Variants in TMEM218 observed in about 807,000 individuals in gnomAD.
TMEM218 encodes transmembrane protein 218.
A neutral mutation model predicts 10.0 loss-of-function variants in TMEM218; 8 were observed. The ratio of observed to expected loss-of-function variants is 0.80; its 90% CI spans 0.47 to 1.44. The LOEUF (loss-of-function observed/expected upper bound fraction) is 1.44, where lower values mean the gene tolerates loss of function less well. TMEM218 is among the 40% of genes most tolerant of loss of function. The probability of loss-of-function intolerance (pLI) is 0.00; values close to 1 mark genes in which losing one functional copy is unlikely to be tolerated. For synonymous variants in TMEM218, 66 were observed against 63.5 expected (o/e 1.04, Z -0.18); for missense variants, 110 against 140.1 (o/e 0.79, Z 1.08).
chr11:125,104,562 T>G (rs1054242128), intron 1 of TMEM218: 1 of 152,254 alleles, frequency 6.6e-6, no homozygotes, highest in Non-Finnish European at 1.5e-5. Flanking sequence ...TACAAGTTTA[T>G]TTTCTGTCTG....
chr11:125,101,538 G>A (rs1470781404), intron 3 of TMEM218: 11 of 1,480,010 alleles, frequency 7.4e-6, no homozygotes, highest in Admixed American at 4.9e-5. Flanking sequence ...ATGGAAATGT[G>A]TAGTTTTTAT....
At chr11:125,106,832 G>A (rs1299922774) in intron 1 of TMEM218, among the ~76,000 whole-genome samples, 1 of 152,124 alleles carries the variant, frequency 6.6e-6, no homozygotes, top group Non-Finnish European at 1.5e-5. Context: ...CTATTCTTAG[G>A]TGTATTCCCA....
At chr11:125,109,079 G>GA (rs528813678) in intron 1 of TMEM218, among the ~76,000 whole-genome samples, 6 of 151,884 alleles carry the variant, frequency 4.0e-5, no homozygotes, top group African/African-American at 7.3e-5. Context: ...AAAACATCAG[G>GA]AAAAAACCTA....
chr11:125,097,534 A>C lies in TMEM218; in HGVS notation c.*72T>G. 1.3e-6 allele frequency: 2 copies of C among 1,550,432 alleles called. No homozygotes were observed. The highest frequency in any genetic ancestry group is 2.4e-5 in the South Asian group (2 of 84,976). On this transcript the variant is annotated 3_prime_UTR_variant, in exon 5 of 5. Transcript: ENST00000682305. ...TGAGGGCTGTCAAAACAAGGCTCTG[A>C]ATAGTGCCTTCCTGCTCATCAATGT...
chr11:125,100,980 T>G (rs541980375), intron 4 of TMEM218, among the ~76,000 whole-genome samples: 2 of 152,298 alleles, frequency 1.3e-5, no homozygotes, highest in Admixed American at 1.3e-4. Context: ...AATAACTGCC[T>G]GGTGGGGTTG....
rs1953856481 is a variant in TMEM218, at chr11:125,111,085, T to C, written c.-153+454A>G. On this transcript the variant is annotated intron_variant, in intron 1 of 4. Coordinates refer to ENST00000682305, the MANE Select transcript of TMEM218 (RefSeq NM_001258244.2). ...AGGTCTCTTCCTTGCATCCCTCTCC[T>C]GGACGGTGTTGTGGGTTGGAAGCGC... Among the ~76,000 whole-genome samples, 5 of 152,176 alleles carry C rather than the reference T, an allele frequency of 3.3e-5. No individual in the cohort carries two copies. The South Asian group carries it at 1.0e-3, about 32-fold the overall frequency.
Position 125,102,163 on chromosome 11 carries a change from C to A in TMEM218, c.79G>T (p.Val27Leu). 6.2e-7 allele frequency: 1 copy of A among 1,605,718 alleles called. No individual in the cohort carries two copies. The highest frequency in any genetic ancestry group is 1.1e-5 in the South Asian group (1 of 90,190). The change falls in exon 3 of 5, where the codon GTG (valine) becomes TTG (leucine). Residue 27 changes from valine (V) to leucine (L), a missense_variant. By Grantham distance (32) the Val-to-Leu change is conservative (BLOSUM62 1). Transcript: ENST00000682305. ...GCCCCGGAGGCTCTGGACAGCAGCA[C>A]ACACAGCAGCAGCACTGCCACCCAG... ...LLWVAVLLLC[V>L]LLSRASGAAR...
In TMEM218 at chr11:125,102,275, C is replaced by G; in HGVS notation, c.-34G>C. The G allele has an allele frequency of 1.9e-6, 3 of 1,601,916 alleles. No individual in the cohort carries two copies. Among genetic ancestry groups the G allele is most frequent in the Non-Finnish European group, 2.6e-6 (3 of 1,175,522 alleles). Reference sequence around the variant, plus strand: ...GAGGCAGCGGCGGCCCCCCGCCCTGCGCGCCGCACGATCGAGTGTCCTCTG... The same window carrying G: ...GAGGCAGCGGCGGCCCCCCGCCCTGGGCGCCGCACGATCGAGTGTCCTCTG... On this transcript the variant is annotated 5_prime_UTR_variant, in exon 3 of 5. Transcript: ENST00000682305.
rs1454245637 is a variant in TMEM218 at position 125,101,429 on chromosome 11, C to T, written c.111-126G>A. 6 of 1,528,404 alleles carry T rather than the reference C, an allele frequency of 3.9e-6. No individual in the cohort carries two copies. The East Asian group carries it at 1.5e-4, about 37-fold the overall frequency. 94.7% of individuals were successfully genotyped at this position (1,528,404 alleles called of 1,614,324 possible). Reference sequence around the variant, plus strand: ...TCAGTCCCTTAACAATGTCCAGAGGCCTGCTGTCAACAACCTCTTCATCCC... The same window carrying T: ...TCAGTCCCTTAACAATGTCCAGAGGTCTGCTGTCAACAACCTCTTCATCCC... On this transcript the variant is annotated intron_variant, in intron 3 of 4. Coordinates refer to ENST00000682305, the MANE Select transcript of TMEM218 (RefSeq NM_001258244.2).
intron 1 of TMEM218, among the ~76,000 whole-genome samples, chr11:125,109,819 C>T (rs1173742244): frequency 6.6e-6 from 1 of 152,212 alleles, no homozygotes; most frequent in African/African-American, 2.4e-5. Flanking sequence ...ACACAAATAA[C>T]CCAGAAGACT....
chr11:125,097,416 C>A lies in TMEM218; in HGVS notation c.*190G>T. 1 of 537,348 alleles carries A rather than the reference C, an allele frequency of 1.9e-6. No homozygotes were observed. Among genetic ancestry groups the A allele is most frequent in the East Asian group, 3.0e-5 (1 of 32,940 alleles). The allele number at this position is 537,348 out of a possible 1,614,324, so 33.3% of individuals were successfully genotyped here. ...CTTCTTAAGCTGGTAAGAATCTAGC[C>A]CCACAGGGACAATTTGGCAATCCTG... On this transcript the variant is annotated 3_prime_UTR_variant, in exon 5 of 5. Transcript: ENST00000682305.
rs551884605 is a variant in TMEM218, at chr11:125,095,376, G to A, written c.*2230C>T. Among the ~76,000 whole-genome samples, 1 of 152,302 alleles carries A rather than the reference G, an allele frequency of 6.6e-6. No homozygotes were observed. The highest frequency in any genetic ancestry group is 2.4e-5 in the African/African-American group (1 of 41,568). On this transcript the variant is annotated 3_prime_UTR_variant, in exon 5 of 5. Transcript: ENST00000682305. Reference sequence around the variant, plus strand: ...GACCTCTGAGCCCTGTCTCCAAGAAGGCCATGAGCATACAGGGTACCATAA... The same window carrying A: ...GACCTCTGAGCCCTGTCTCCAAGAAAGCCATGAGCATACAGGGTACCATAA...
chr11:125,099,551 TTGCTC>T (rs1286573929), intron 4 of TMEM218, among the ~76,000 whole-genome samples: 1 of 152,206 alleles, frequency 6.6e-6, no homozygotes, highest in Non-Finnish European at 1.5e-5. Flanking sequence ...AAAAATGTGT[TTGCTC>T]TGTGCCCTTC....
In TMEM218 at chr11:125,094,556, G is replaced by A. The variant is rs1366681219; in HGVS notation, c.*3050C>T. 1.3e-5 allele frequency among the ~76,000 whole-genome samples: 2 copies of A among 152,180 alleles called. No homozygotes were observed. Among genetic ancestry groups the A allele is most frequent in the Admixed American group, 1.3e-4 (2 of 15,276 alleles). On this transcript the variant is annotated 3_prime_UTR_variant, in exon 5 of 5. Transcript: ENST00000682305. ...TGAGAAATGAGATGTCAGGAATCCTGATGTCAAGTTGGAGCCCCACTTCTA... is the reference window on the plus strand; with the variant it reads ...TGAGAAATGAGATGTCAGGAATCCTAATGTCAAGTTGGAGCCCCACTTCTA...
rs1952882551 is a variant in TMEM218, at chr11:125,108,699, C to A, written c.-153+2840G>T. ...TTTCCTCTGATTTACATTAGAGTTG[C>A]ATTCCTGGAAATTTTACTATATTAA... On this transcript the variant is annotated intron_variant, in intron 1 of 4. Coordinates refer to ENST00000682305, the MANE Select transcript of TMEM218 (RefSeq NM_001258244.2). The surrounding 1 kb of genome is among the most constrained non-coding windows in gnomAD (Gnocchi z 5.3). Among the ~76,000 whole-genome samples the A allele has an allele frequency of 6.6e-6, 1 of 152,166 alleles. No individual in the cohort carries two copies. The highest frequency in any genetic ancestry group is 1.5e-5 in the Non-Finnish European group (1 of 68,004).
chr11:125,099,663 T>C (rs1012116525), intron 4 of TMEM218, among the ~76,000 whole-genome samples: 1 of 151,976 alleles, frequency 6.6e-6, no homozygotes, highest in African/African-American at 2.4e-5. Flanking sequence ...GTGGCTCACG[T>C]CTGTAATCCC....
chr11:125,109,312 C>T (rs1953089753), intron 1 of TMEM218, among the ~76,000 whole-genome samples: 2 of 152,018 alleles, frequency 1.3e-5, no homozygotes, highest in Non-Finnish European at 1.5e-5. Flanking sequence ...AACGTATATA[C>T]AGCAAAAGTA....
chr11:125,107,682 A>G (rs1302397327), intron 1 of TMEM218, among the ~76,000 whole-genome samples: 2 of 152,028 alleles, frequency 1.3e-5, no homozygotes, highest in African/African-American at 4.8e-5. Context: ...ATGAAACAAG[A>G]CTGGTCATGA....
chr11:125,101,482 G>A, intron 3 of TMEM218, 179 bp from the exon 4 acceptor site: 1 of 1,530,468 alleles, frequency 6.5e-7, no homozygotes, highest in Non-Finnish European at 8.7e-7. Flanking sequence ...ACAGGTACCA[G>A]CTGGGTGCAT....
Sources: allele counts gnomAD v4.1 joint callset (sites outside exome capture counted in the v4.1 genomes callset), GRCh38; gene constraint gnomAD v4.1.1; non-coding constraint Gnocchi (gnomAD v3.1); transcripts MANE v1.5; gene names NCBI Gene and HGNC (gene_info 2026-07-23, HGNC 2026-07-21).